CSMD1: variants seen among roughly 807,000 people sequenced by gnomAD.
CSMD1 encodes CUB and Sushi multiple domains 1, also known as CUB and sushi domain-containing protein 1.
Under a neutral mutation model 417.5 loss-of-function variants are expected in CSMD1, and 213 were observed. The observed-to-expected ratio is 0.51, with a 90% CI of 0.46 to 0.57. The LOEUF is 0.57. CSMD1 is among the 20% of genes least tolerant of loss of function. The probability of loss-of-function intolerance (pLI) is 0.00; values close to 1 mark genes in which losing one functional copy is unlikely to be tolerated. For missense variants in CSMD1, 6,923 were observed against 4,529.7 expected (o/e 1.53, Z -15.17); for synonymous variants, 2,862 against 1,736.8 (o/e 1.65, Z -16.11).
rs58642402 is a variant in CSMD1, at chr8:3,764,598, C to T, written c.819-10556G>A. Among the ~76,000 whole-genome samples, 1,239 of 152,100 alleles carry T rather than the reference C, an allele frequency of 8.1e-3. 13 individuals are homozygous for T. The highest frequency in any genetic ancestry group is 0.028 in the African/African-American group (1,169 of 41,492). Reference sequence around the variant, plus strand: ...GAGGATTTAAACTTCTCTTGGATGGCAGTTTCCTTGGAGATGTGATATCCA... The same window carrying T: ...GAGGATTTAAACTTCTCTTGGATGGTAGTTTCCTTGGAGATGTGATATCCA... On this transcript the variant is annotated intron_variant, in intron 5 of 69. Coordinates refer to ENST00000635120, the MANE Select transcript of CSMD1 (RefSeq NM_033225.6).
At chr8:4,836,688 T>A (rs974689927) in intron 1 of CSMD1, among the ~76,000 whole-genome samples, 1 of 152,152 alleles carries the variant, frequency 6.6e-6, no homozygotes, top group African/African-American at 2.4e-5. Context: ...ATTCATCTCG[T>A]CGCTTCCACC....
chr8:4,724,669 G>T (rs367984831), intron 1 of CSMD1, among the ~76,000 whole-genome samples: 1 of 151,914 alleles, frequency 6.6e-6, no homozygotes, highest in Non-Finnish European at 1.5e-5. Context: ...GAATAAACTT[G>T]CTTTGTATTT....
chr8:3,770,300 G>A (rs544094033), intron 5 of CSMD1, among the ~76,000 whole-genome samples: 24 of 152,258 alleles, frequency 1.6e-4, no homozygotes, highest in East Asian at 5.8e-4. Context: ...GGCCGAGGGC[G>A]GGGGTGGATC....
rs188002237 is a variant in CSMD1, at chr8:3,698,346, T to C, written c.1009+10068A>G. ...GCTAAGAAAACAGGGTCTTTAACAA[T>C]TGCAAAACTCCATTATTACATTTTA... On this transcript the variant is annotated intron_variant, in intron 7 of 69. Transcript: ENST00000635120. Among the ~76,000 whole-genome samples, 866 of 152,340 alleles carry C rather than the reference T, an allele frequency of 5.7e-3. 4 individuals carry two copies. The highest frequency in any genetic ancestry group is 0.037 in the South Asian group (177 of 4,828).
At position 3,551,603 on chromosome 8, in the gene CSMD1, T is replaced by A. The variant is rs1481340932; in HGVS notation, c.1344+23342A>T. Among the ~76,000 whole-genome samples, 426 of 137,838 alleles carry A rather than the reference T, an allele frequency of 3.1e-3. 2 individuals are homozygous for A. Among genetic ancestry groups the A allele is most frequent in the African/African-American group, 0.011 (358 of 34,010 alleles). The allele number at this position is 137,838 out of a possible 152,430, so 90.4% of individuals were successfully genotyped here. A position where few individuals can be genotyped will look rare whatever the true frequency, so the allele number is the denominator to read the frequency against. On this transcript the variant is annotated intron_variant, in intron 10 of 69. Coordinates refer to ENST00000635120, the MANE Select transcript of CSMD1 (RefSeq NM_033225.6). ...GTATATATATATATATATATTTTTT[T>A]TTTTTTTTTTTCTGAAGATACATTA... is the stretch of plus-strand genomic sequence containing the variant.
intron 2 of CSMD1, among the ~76,000 whole-genome samples, chr8:4,509,530 G>C (rs868768120): frequency 6.6e-6 from 1 of 152,148 alleles, no homozygotes; most frequent in Non-Finnish European, 1.5e-5. Context: ...GTAATAGAGA[G>C]GAAATCACAT....
rs1563197542 is a variant in CSMD1, at chr8:2,974,630, G to T, written c.8567-6C>A. On this transcript the variant is annotated splice_polypyrimidine_tract_variant and splice_region_variant and intron_variant, in intron 55 of 69. Coordinates refer to ENST00000635120, the MANE Select transcript of CSMD1 (RefSeq NM_033225.6). ...TGGGTGTCCACACGATATAGCTTCA[G>T]AAAAAAGATAAAACAATTGAGTACA... is the stretch of plus-strand genomic sequence containing the variant. 1.9e-6 allele frequency: 3 copies of T among 1,568,022 alleles called. No individual in the cohort carries two copies. The highest frequency in any genetic ancestry group is 2.4e-5 in the South Asian group (2 of 84,918).
At chr8:3,433,012 G>A (rs571193180) in intron 12 of CSMD1, among the ~76,000 whole-genome samples, 1 of 152,270 alleles carries the variant, frequency 6.6e-6, no homozygotes, top group African/African-American at 2.4e-5. Context: ...AGTTTAAGAT[G>A]TGCAAACAAG....
intron 1 of CSMD1, among the ~76,000 whole-genome samples, chr8:4,852,508 C>A (rs1801537293): frequency 6.6e-6 from 1 of 152,114 alleles, no homozygotes; most frequent in South Asian, 2.1e-4. Context: ...GCCAATTAAA[C>A]CTCTTTCATT....
intron 5 of CSMD1, among the ~76,000 whole-genome samples, chr8:3,791,584 G>T (rs1045479047): frequency 1.3e-5 from 2 of 152,180 alleles, no homozygotes; most frequent in Non-Finnish European, 2.9e-5. Flanking sequence ...AGCACTTTGG[G>T]AGGCCTAGGA....
In CSMD1 at chr8:3,644,966, GAAAAAAAAAAA is replaced by G. The variant is rs71203456; in HGVS notation, c.1010-28180_1010-28170del. Among the ~76,000 whole-genome samples the G allele has an allele frequency of 2.3e-4, 15 of 64,522 alleles. No individual in the cohort carries two copies. The East Asian group carries it at 3.7e-3, about 16-fold the overall frequency. The allele number at this position is 64,522 out of a possible 152,430, so 42.3% of individuals were successfully genotyped here. ...GTTACGGATCACTAAGGCTTTAAAT[GAAAAAAAAAAA>G]AAAAAAAAAAAAAAGTCAATTGTTC... On this transcript the variant is annotated intron_variant, in intron 7 of 69. Transcript: ENST00000635120.
chr8:4,184,078 T>G (rs1798530947), intron 3 of CSMD1, among the ~76,000 whole-genome samples: 1 of 152,222 alleles, frequency 6.6e-6, no homozygotes, highest in Non-Finnish European at 1.5e-5. Flanking sequence ...ATTAGCCACC[T>G]TCCCTCTGAA....
intron 2 of CSMD1, among the ~76,000 whole-genome samples, chr8:4,446,943 A>AAC (rs1798845407): frequency 6.6e-6 from 1 of 151,732 alleles, no homozygotes; most frequent in African/African-American, 2.4e-5. Flanking sequence ...ATTTAAAAAA[A>AAC]AAAAAAACAT....
In CSMD1 at chr8:3,810,702, T is replaced by A. The variant is rs1176425852; in HGVS notation, c.819-56660A>T. Among the ~76,000 whole-genome samples the A allele has an allele frequency of 2.0e-5, 3 of 152,204 alleles. No individual in the cohort carries two copies. In the South Asian group the frequency reaches 6.2e-4, roughly 31 times the overall value. On this transcript the variant is annotated intron_variant, in intron 5 of 69. Transcript: ENST00000635120. Reference sequence around the variant, plus strand: ...ATAGAATAGAAGGAAATGGTTTATCTCTTGTAAAACATTGAATTTGTTATG... The same window carrying A: ...ATAGAATAGAAGGAAATGGTTTATCACTTGTAAAACATTGAATTTGTTATG...
intron 7 of CSMD1, among the ~76,000 whole-genome samples, chr8:3,692,402 C>A (rs1384649619): frequency 6.6e-6 from 1 of 152,022 alleles, no homozygotes; most frequent in Non-Finnish European, 1.5e-5. Flanking sequence ...TTCTAACGTG[C>A]CTCCTTCGAC....
intron 41 of CSMD1, 38 bp downstream of exon 41, chr8:3,142,427 T>G: frequency 6.7e-7 from 1 of 1,497,572 alleles, no homozygotes; most frequent in Non-Finnish European, 9.2e-7. Context: ...AAGAAGTGTA[T>G]TTAGATTTGG....
chr8:4,059,650 G>A (rs1014240395), intron 3 of CSMD1, among the ~76,000 whole-genome samples: 15 of 152,136 alleles, frequency 9.9e-5, no homozygotes, highest in Non-Finnish European at 2.2e-4. Context: ...TGCCATCAGA[G>A]AATACTACAA....
At chr8:4,369,497 T>A (rs982849969) in intron 3 of CSMD1, among the ~76,000 whole-genome samples, 9 of 152,146 alleles carry the variant, frequency 5.9e-5, no homozygotes, top group African/African-American at 2.2e-4. Flanking sequence ...AAATATCTGT[T>A]AGTTTTCTGC....
intron 18 of CSMD1, among the ~76,000 whole-genome samples, chr8:3,377,115 C>G (rs1174072431): frequency 6.7e-6 from 1 of 148,652 alleles, no homozygotes; most frequent in South Asian, 2.1e-4. Context: ...CTCAAGTGAT[C>G]CCCCTGCCTC....
Sources: allele counts gnomAD v4.1 joint callset (sites outside exome capture counted in the v4.1 genomes callset), GRCh38; gene constraint gnomAD v4.1.1; transcripts MANE v1.5; gene names NCBI Gene and HGNC (gene_info 2026-07-23, HGNC 2026-07-21).